Variants in VAX2 observed in about 807,000 individuals in gnomAD.
VAX2 encodes ventral anterior homeobox 2.
In VAX2, 8 loss-of-function variants were observed where a neutral mutation model predicts 12.5. The observed-to-expected ratio is 0.64, with a 90% CI of 0.37 to 1.15. The LOEUF is 1.15. Ranked by LOEUF, VAX2 falls within the 50% of genes most tolerant of loss-of-function variation. The pLI, the probability that VAX2 is intolerant of heterozygous loss-of-function variation, is 0.01. For synonymous variants in VAX2, 183 were observed against 187.6 expected, an observed-to-expected ratio of 0.98 and a Z score of 0.20; for missense variants, 476 against 412.9, an observed-to-expected ratio of 1.15 and a Z score of -1.32.
At chr2:70,915,026 C>T (rs1368536363) in intron 1 of VAX2, among the ~76,000 whole-genome samples, 1 of 152,092 alleles carries the variant, frequency 6.6e-6, no homozygotes, top group Non-Finnish European at 1.5e-5. Flanking sequence ...GTCTCCAATG[C>T]CTGGCCTCAA....
chr2:70,917,684 G>A (rs1162200094), intron 1 of VAX2, among the ~76,000 whole-genome samples: 4 of 152,218 alleles, frequency 2.6e-5, no homozygotes, highest in South Asian at 2.1e-4. Flanking sequence ...TGCCTTTCTC[G>A]TCTGGGTCAT....
chr2:70,922,430 T>C (rs1339389345), intron 2 of VAX2, among the ~76,000 whole-genome samples: 6 of 152,072 alleles, frequency 3.9e-5, no homozygotes, highest in African/African-American at 1.5e-4. Context: ...CCTGCCTCAG[T>C]GAGGTCAGCT....
Position 70,904,446 on chromosome 2 carries a change from A to T in VAX2, c.247+3578A>T, listed in dbSNP as rs1246498684. Among the ~76,000 whole-genome samples, 1 of 152,216 alleles carries T rather than the reference A, an allele frequency of 6.6e-6. No individual in the cohort carries two copies. Among genetic ancestry groups the T allele is most frequent in the Non-Finnish European group, 1.5e-5 (1 of 68,038 alleles). ...ACGCACCTGTTTCCCAAATTAATCC[A>T]GACGCGAATTTAACGACCGATTTTG... On this transcript the variant is annotated intron_variant, in intron 1 of 2. Transcript: ENST00000234392. This position sits in a 1 kb window ranked among gnomAD's most constrained non-coding sequence, Gnocchi z 4.2.
At chr2:70,906,940 G>T (rs1553410669) in intron 1 of VAX2, among the ~76,000 whole-genome samples, 1 of 152,180 alleles carries the variant, frequency 6.6e-6, no homozygotes. Flanking sequence ...CCAAATCCAG[G>T]CGATCTTCCC....
Position 70,900,887 on chromosome 2 carries a change from G to A in VAX2, c.247+19G>A, listed in dbSNP as rs1678907801. ...GTGCGAGGTAAGGGGACAGCCCGCG[G>A]CCCTGCTCCACTGGACCCTCACCCT... is the stretch of plus-strand genomic sequence containing the variant. On this transcript the variant is annotated intron_variant, in intron 1 of 2. Coordinates refer to ENST00000234392, the MANE Select transcript of VAX2 (RefSeq NM_012476.3). 1.5e-6 allele frequency: 2 copies of A among 1,364,520 alleles called. No homozygotes were observed. Among genetic ancestry groups the A allele is most frequent in the Admixed American group, 3.1e-5 (1 of 32,640 alleles). 84.5% of individuals were successfully genotyped at this position (1,364,520 alleles called of 1,614,324 possible).
chr2:70,932,637 A>AACCCCCCCCCCC, intron 2 of VAX2, 130 bp from the exon 3 acceptor site: 1 of 144,554 alleles, frequency 6.9e-6, no homozygotes, highest in Non-Finnish European at 1.5e-5. Context: ...CCACCCTCAC[A>AACCCCCCCCCCC]CCCCACCCCC....
At chr2:70,901,262 C>T (rs568840857) in intron 1 of VAX2, among the ~76,000 whole-genome samples, 7 of 152,346 alleles carry the variant, frequency 4.6e-5, no homozygotes, top group African/African-American at 1.7e-4. Context: ...GAGGGAGCAG[C>T]GTCGGCAACC....
chr2:70,921,985 T>C (rs1327379050), intron 2 of VAX2, among the ~76,000 whole-genome samples: 3 of 152,212 alleles, frequency 2.0e-5, no homozygotes, highest in Non-Finnish European at 4.4e-5. Flanking sequence ...CACTAAGTGC[T>C]TTGCCTATGT....
intron 1 of VAX2, among the ~76,000 whole-genome samples, chr2:70,917,819 G>A (rs909924015): frequency 2.6e-5 from 4 of 152,128 alleles, no homozygotes; most frequent in Non-Finnish European, 5.9e-5. Flanking sequence ...AGGCTCAGAT[G>A]CTACAGGGTG....
At chr2:70,930,069 T>G (rs1194860624) in intron 2 of VAX2, among the ~76,000 whole-genome samples, 1 of 152,152 alleles carries the variant, frequency 6.6e-6, no homozygotes, top group Non-Finnish European at 1.5e-5. Flanking sequence ...TGCGGTGGTG[T>G]GCACCTGTAG....
In VAX2 at chr2:70,932,801, A is replaced by G; in HGVS notation, c.470A>G (p.Gln157Arg). The G allele has an allele frequency of 3.1e-6, 5 of 1,597,066 alleles. No individual in the cohort carries two copies. The highest frequency in any genetic ancestry group is 4.3e-6 in the Non-Finnish European group (5 of 1,171,176). ...TGGTTCCAGAACCGCCGCACCAAGC[A>G]GAAGAAAGACCAGAGCAGAGACCTG... ...KVWFQNRRTK[Q>R]KKDQSRDLEK... The change falls in exon 3 of 3, where the codon CAG becomes CGG. Residue 157 changes from glutamine (Q) to arginine (R), a missense_variant. Physicochemically the swap from Gln to Arg is conservative, Grantham distance 43. Coordinates refer to ENST00000234392, the MANE Select transcript of VAX2 (RefSeq NM_012476.3).
intron 1 of VAX2, among the ~76,000 whole-genome samples, chr2:70,913,904 C>T (rs975091852): frequency 3.3e-5 from 5 of 152,144 alleles, no homozygotes; most frequent in African/African-American, 1.2e-4. Context: ...TGAGATTAAA[C>T]TACATGTTAT....
chr2:70,900,790 TC>T lies in VAX2; in HGVS notation c.171del (p.Arg58GlyfsTer82). 1 of 1,496,400 alleles carries T rather than the reference TC, an allele frequency of 6.7e-7. No individual in the cohort carries two copies. The highest frequency in any genetic ancestry group is 2.8e-5 in the East Asian group (1 of 35,854). The allele number at this position is 1,496,400 out of a possible 1,614,324, so 92.7% of individuals were successfully genotyped here. ...GACCTCAGCCTCCAGTCCCGCAGGC[TC>T]CAGGGAGAGTGGAGCCGACAGCGAC... ...AGTSASSPAG[S>X]RESGADSDGQ... On this transcript the variant is annotated frameshift_variant, in exon 1 of 3. Transcript: ENST00000234392. LOFTEE classifies it high-confidence loss of function.
intron 2 of VAX2, among the ~76,000 whole-genome samples, chr2:70,932,346 T>G (rs1179646628): frequency 6.6e-6 from 1 of 152,148 alleles, no homozygotes; most frequent in Non-Finnish European, 1.5e-5. Flanking sequence ...AGTTCAGATC[T>G]CTGGGCCTGA....
At chr2:70,918,399 A>C (rs2104773073) in intron 1 of VAX2, among the ~76,000 whole-genome samples, 1 of 152,290 alleles carries the variant, frequency 6.6e-6, no homozygotes. Context: ...GGAGGGGCTC[A>C]GGGTAACCCT....
At chr2:70,911,284 C>T (rs1553411203) in intron 1 of VAX2, among the ~76,000 whole-genome samples, 1 of 152,126 alleles carries the variant, frequency 6.6e-6, no homozygotes, top group Non-Finnish European at 1.5e-5. Flanking sequence ...TTATGTGTCT[C>T]ATTCTTGTTA....
chr2:70,902,573 C>T (rs892867642), intron 1 of VAX2, among the ~76,000 whole-genome samples: 18 of 152,178 alleles, frequency 1.2e-4, no homozygotes, highest in African/African-American at 4.3e-4. Flanking sequence ...CACCTTGAAC[C>T]CCACCTATGG....
chr2:70,914,698 G>C (rs1679268809), intron 1 of VAX2, among the ~76,000 whole-genome samples: 2 of 152,034 alleles, frequency 1.3e-5, no homozygotes, highest in Admixed American at 6.6e-5. Flanking sequence ...TTACTATAAA[G>C]CTATGCTTAT....
At chr2:70,920,381 T>A (rs1679424983) in intron 1 of VAX2, among the ~76,000 whole-genome samples, 1 of 152,092 alleles carries the variant, frequency 6.6e-6, no homozygotes, top group Admixed American at 6.5e-5. Context: ...CTCCAAAATA[T>A]TGGAGGCCCT....
Sources: gnomAD v4.1 joint callset for allele counts (sites outside exome capture counted in the v4.1 genomes callset) on GRCh38, gnomAD v4.1.1 for gene constraint, Gnocchi (gnomAD v3.1) non-coding constraint, MANE v1.5 for transcripts, NCBI Gene and HGNC (gene_info 2026-07-23, HGNC 2026-07-21) for gene names.